The following ASTN2 variants were observed in gnomAD, a reference collection of about 807,000 sequenced individuals.
The protein encoded by ASTN2 is astrotactin 2.
Under a neutral mutation model 139.8 loss-of-function variants are expected in ASTN2, and 54 were observed. The ratio of observed to expected loss-of-function variants is 0.39; its 90% confidence interval spans 0.31 to 0.48. The LOEUF is 0.48. Ranked by LOEUF, ASTN2 falls within the 20% of genes least tolerant of loss-of-function variation. The probability of loss-of-function intolerance (pLI) is 0.95; values close to 1 mark genes in which losing one functional copy is unlikely to be tolerated. For synonymous variants in ASTN2, 756 were observed against 719.5 expected (o/e 1.05, Z -0.81); for missense variants, 1,565 against 1,725.1 (o/e 0.91, Z 1.64).
intron 16 of ASTN2, among the ~76,000 whole-genome samples, chr9:116,671,346 G>T (rs966542076): frequency 2.6e-5 from 4 of 151,988 alleles, no homozygotes; most frequent in African/African-American, 9.7e-5. Flanking sequence ...AACATCTATT[G>T]AGCACTTACC....
intron 5 of ASTN2, among the ~76,000 whole-genome samples, chr9:117,060,413 GGA>G (rs1564406480): frequency 0.22 from 7,297 of 32,798 alleles, 593 homozygotes; most frequent in Non-Finnish European, 0.24. Flanking sequence ...AAAGAAAGAA[GGA>G]AAGGAAGGAA....
Position 116,698,670 on chromosome 9 carries a change from G to A in ASTN2, c.2806+27101C>T. 1 of 1,614,180 alleles carries A rather than the reference G, an allele frequency of 6.2e-7. No homozygotes were observed. Among genetic ancestry groups the A allele is most frequent in the Non-Finnish European group, 8.5e-7 (1 of 1,180,032 alleles). ...TAACGTGGAAGATTCCTGGGCCATG[G>A]AGGCCACAGCGTCTGCTGCCTCTAC... On this transcript the variant is annotated intron_variant, in intron 16 of 22. Transcript: ENST00000313400. The surrounding 1 kb of genome is among the most constrained non-coding windows in gnomAD (Gnocchi z 4.4).
At chr9:117,021,364 G>A (rs1005524824) in intron 6 of ASTN2, among the ~76,000 whole-genome samples, 24 of 152,034 alleles carry the variant, frequency 1.6e-4, no homozygotes, top group African/African-American at 5.8e-4. Flanking sequence ...TCCTTTCTGA[G>A]GTGCTAATAT....
chr9:116,632,187 A>AGAGAGG (rs1856801384), intron 17 of ASTN2, among the ~76,000 whole-genome samples: 5 of 35,940 alleles, frequency 1.4e-4, no homozygotes, highest in South Asian at 1.5e-3. Flanking sequence ...AGAGAGAGGG[A>AGAGAGG]GAGAGAGAGA....
chr9:116,797,747 T>C (rs1301477826), intron 13 of ASTN2, among the ~76,000 whole-genome samples: 5 of 152,172 alleles, frequency 3.3e-5, no homozygotes, highest in Non-Finnish European at 7.4e-5. Flanking sequence ...GACCTGAGAG[T>C]GCACAAACAC....
chr9:117,275,755 AG>A (rs1376665200), intron 2 of ASTN2, among the ~76,000 whole-genome samples: 2 of 151,870 alleles, frequency 1.3e-5, no homozygotes, highest in Non-Finnish European at 2.9e-5. Flanking sequence ...TAGTAGAGAC[AG>A]GGTTTCGCCA....
chr9:116,537,865 A>G (rs1851711698), intron 19 of ASTN2, among the ~76,000 whole-genome samples: 1 of 152,190 alleles, frequency 6.6e-6, no homozygotes, highest in South Asian at 2.1e-4. Context: ...AGGGATTAGG[A>G]GAGTACCATT....
intron 17 of ASTN2, among the ~76,000 whole-genome samples, chr9:116,641,632 A>G (rs1857334381): frequency 6.6e-6 from 1 of 152,166 alleles, no homozygotes; most frequent in South Asian, 2.1e-4. Flanking sequence ...TAACTAATTC[A>G]ATGTCCCATG....
At chr9:117,101,494 C>T (rs1828977228) in intron 4 of ASTN2, among the ~76,000 whole-genome samples, 1 of 152,088 alleles carries the variant, frequency 6.6e-6, no homozygotes, top group Non-Finnish European at 1.5e-5. Flanking sequence ...TCTATCCTTG[C>T]TGCTTGGGCC....
intron 1 of ASTN2, among the ~76,000 whole-genome samples, chr9:117,318,410 T>C (rs1440337453): frequency 6.6e-6 from 1 of 152,156 alleles, no homozygotes; most frequent in Non-Finnish European, 1.5e-5. Flanking sequence ...ATCTTAGAGT[T>C]TGGGCTACTA....
chr9:116,768,408 G>C (rs1023182972), intron 13 of ASTN2, among the ~76,000 whole-genome samples: 6 of 152,144 alleles, frequency 3.9e-5, no homozygotes, highest in Non-Finnish European at 8.8e-5. Flanking sequence ...GAGATCCTGT[G>C]ACTTCCCAGC....
At chr9:117,402,350 G>T (rs1830856587) in intron 1 of ASTN2, among the ~76,000 whole-genome samples, 1 of 152,222 alleles carries the variant, frequency 6.6e-6, no homozygotes, top group Admixed American at 6.5e-5. Flanking sequence ...ACAGGCGTGA[G>T]CCACTGCACC....
intron 7 of ASTN2, among the ~76,000 whole-genome samples, chr9:116,999,345 T>G (rs1413892723): frequency 6.6e-6 from 1 of 152,086 alleles, no homozygotes; most frequent in Non-Finnish European, 1.5e-5. Flanking sequence ...CTCATTTGAT[T>G]ACACTAGATG....
intron 10 of ASTN2, among the ~76,000 whole-genome samples, chr9:116,948,785 G>GGTTTTTTTTTTTGTTTTTTTTTTTTT (rs1835470645): frequency 2.0e-5 from 1 of 49,472 alleles, no homozygotes; most frequent in African/African-American, 8.6e-5. Flanking sequence ...ATAATTTGGT[G>GGTTTTTTTTTTTGTTTTTTTTTTTTT]TTTTTTTTTT....
chr9:116,648,265 G>A (rs1857710937), intron 17 of ASTN2, among the ~76,000 whole-genome samples: 1 of 152,068 alleles, frequency 6.6e-6, no homozygotes, highest in Non-Finnish European at 1.5e-5. Context: ...CTCCCAAAGT[G>A]CTAAGATTAC....
At chr9:116,757,856 T>TA (rs1829576043) in intron 13 of ASTN2, among the ~76,000 whole-genome samples, 2 of 152,108 alleles carry the variant, frequency 1.3e-5, no homozygotes, top group South Asian at 4.2e-4. Flanking sequence ...AGGAAGATCA[T>TA]AAAAAAGTTA....
rs768484796 is a variant in ASTN2 at position 117,360,052 on chromosome 9, TGAA to T, written c.442+54442_442+54444del. ...CTAAATATAAAGTAGTAGAAGCCAA[TGAA>T]GATCTTATTGACTCTGACCCCTAGT... is the stretch of plus-strand genomic sequence containing the variant. On this transcript the variant is annotated intron_variant, in intron 1 of 22. Transcript: ENST00000313400. 2.6e-5 allele frequency among the ~76,000 whole-genome samples: 4 copies of T among 152,232 alleles called. No homozygotes were observed. In the East Asian group the frequency reaches 5.8e-4, roughly 22 times the overall value.
At chr9:116,754,260 G>A (rs1368915273) in intron 13 of ASTN2, among the ~76,000 whole-genome samples, 3 of 152,170 alleles carry the variant, frequency 2.0e-5, no homozygotes, top group African/African-American at 2.4e-5. Flanking sequence ...GAATAGTGCC[G>A]CCATAAACAT....
rs1356896830 is a variant in ASTN2 at position 117,163,775 on chromosome 9, T to TC, written c.1016-22298dup. 8.5e-5 allele frequency among the ~76,000 whole-genome samples: 13 copies of TC among 152,158 alleles called. 1 individual carries two copies. In the South Asian group the frequency reaches 2.3e-3, roughly 27 times the overall value. On this transcript the variant is annotated intron_variant, in intron 3 of 22. Transcript: ENST00000313400. ...GGATTGACCATTAATAAGTCTTTTTTCCCCCAACGGGTTAAGTACTTTTGC... is the reference window on the plus strand; with the variant it reads ...GGATTGACCATTAATAAGTCTTTTTTCCCCCCAACGGGTTAAGTACTTTTGC...
Sources: allele counts gnomAD v4.1 joint callset (sites outside exome capture counted in the v4.1 genomes callset), GRCh38; gene constraint gnomAD v4.1.1; non-coding constraint Gnocchi (gnomAD v3.1); transcripts MANE v1.5; gene names NCBI Gene and HGNC (gene_info 2026-07-23, HGNC 2026-07-21).